The following COL27A1 variants were observed in gnomAD, a reference collection of about 807,000 sequenced individuals.
COL27A1 encodes collagen alpha-1(XXVII) chain.
A neutral mutation model predicts 251.3 loss-of-function variants in COL27A1; 106 were observed. The ratio of observed to expected loss-of-function variants is 0.42; its 90% CI spans 0.36 to 0.50. The LOEUF (loss-of-function observed/expected upper bound fraction) is 0.50. Ranked by LOEUF, COL27A1 falls within the 20% of genes least tolerant of loss-of-function variation. The pLI is 0.00. For missense variants in COL27A1, 2,325 were observed against 2,522.8 expected (o/e 0.92, Z 1.68); for synonymous variants, 1,000 against 986.3 (o/e 1.01, Z -0.26).
chr9:114,155,336 ATC>A (rs1848054806), upstream of COL27A1, among the ~76,000 whole-genome samples: 1 of 151,934 alleles, frequency 6.6e-6, no homozygotes, highest in South Asian at 2.1e-4. The surrounding 1 kb of genome is among the most constrained non-coding windows in gnomAD (Gnocchi z 5.5). Flanking sequence ...CTCTCTGTGA[ATC>A]TGTTTCCCCA....
chr9:114,290,150 G>GCCCCCCCCCCCCCCCCCC lies in COL27A1; in HGVS notation c.4260+42_4260+43insCCCCCCCCCCCCCCCCCC. 1 of 1,593,552 alleles carries GCCCCCCCCCCCCCCCCCC rather than the reference G, an allele frequency of 6.3e-7. No individual in the cohort carries two copies. On this transcript the variant is annotated intron_variant, in intron 46 of 60. Transcript: ENST00000356083. This position sits in a 1 kb window ranked among gnomAD's most constrained non-coding sequence, Gnocchi z 4.6. ...GCTGCTGTTTCCAGCCAACCTCCCT[G>GCCCCCCCCCCCCCCCCCC]CCCGCCCCCCACACCCGCCCTCCTC...
chr9:114,177,217 C>T (rs1400774858), intron 3 of COL27A1, among the ~76,000 whole-genome samples: 1 of 152,150 alleles, frequency 6.6e-6, no homozygotes, highest in Non-Finnish European at 1.5e-5. Context: ...AGTGGTAAAG[C>T]CAGGATTTGA....
chr9:114,301,125 G>A lies in COL27A1; in HGVS notation c.4755G>A (p.Pro1585=), dbSNP rs199727235. ...GAATCCTGGGACCTTCGGGACTCCC[G>A]GTATGTGTGGGGATTGGACAGGAAG... The part of the protein sequence containing the change: ...PLGILGPSGL[P]GPKGDKGSRG... Residue 1585 remains proline (P), a splice_region_variant and synonymous_variant, in exon 52 of 61, where the codon CCG becomes CCA. Coordinates refer to ENST00000356083, the MANE Select transcript of COL27A1 (RefSeq NM_032888.4). The A allele has an allele frequency of 5.7e-5, 92 of 1,613,644 alleles. No individual in the cohort carries two copies. Among genetic ancestry groups the A allele is most frequent in the Non-Finnish European group, 7.2e-5 (85 of 1,179,742 alleles).
chr9:114,302,818 G>A (rs968268460), intron 56 of COL27A1, among the ~76,000 whole-genome samples: 2 of 151,382 alleles, frequency 1.3e-5, no homozygotes, highest in African/African-American at 4.9e-5. Flanking sequence ...CTATCTGAGA[G>A]CATGACTCCT....
At position 114,155,872 on chromosome 9, in the gene COL27A1, CG is replaced by C; in HGVS notation, c.-75del. The C allele has an allele frequency of 9.3e-7, 1 of 1,076,646 alleles. No individual in the cohort carries two copies. Among genetic ancestry groups the C allele is most frequent in the Non-Finnish European group, 1.1e-6 (1 of 882,498 alleles). The allele number at this position is 1,076,646 out of a possible 1,614,324, so 66.7% of individuals were successfully genotyped here. On this transcript the variant is annotated 5_prime_UTR_variant, in exon 1 of 61. Coordinates refer to ENST00000356083, the MANE Select transcript of COL27A1 (RefSeq NM_032888.4). The surrounding 1 kb of genome is among the most constrained non-coding windows in gnomAD (Gnocchi z 5.5). ...CGCGCTCTAAGCCGGCCTGGCGCGG[CG>C]GGGCGGGGGGCTGGCGGCCCCATGG...
At chr9:114,305,190 G>A (rs1392967663) in intron 57 of COL27A1, among the ~76,000 whole-genome samples, 1 of 152,194 alleles carries the variant, frequency 6.6e-6, no homozygotes, top group African/African-American at 2.4e-5. Context: ...CACATGACAG[G>A]GAACTTACTG....
At chr9:114,223,805 A>C (rs1300259291) in intron 14 of COL27A1, among the ~76,000 whole-genome samples, 2 of 152,152 alleles carry the variant, frequency 1.3e-5, no homozygotes, top group African/African-American at 4.8e-5. Context: ...AACTTGGAGG[A>C]TTGTTGTGAG....
intron 4 of COL27A1, among the ~76,000 whole-genome samples, chr9:114,180,593 C>T (rs762977151): frequency 6.6e-6 from 1 of 152,312 alleles, no homozygotes; most frequent in Middle Eastern, 3.4e-3. Flanking sequence ...AATCCCAGCT[C>T]CTCTCTGCAC....
chr9:114,226,503 G>A (rs997898672), intron 14 of COL27A1, among the ~76,000 whole-genome samples: 1 of 152,192 alleles, frequency 6.6e-6, no homozygotes, highest in Non-Finnish European at 1.5e-5. Flanking sequence ...ACTCTCCACT[G>A]TTGTACTATA....
intron 34 of COL27A1, among the ~76,000 whole-genome samples, 191 bp downstream of exon 34, chr9:114,267,748 G>A (rs902093538): frequency 2.6e-5 from 4 of 152,174 alleles, no homozygotes; most frequent in Admixed American, 1.3e-4. Flanking sequence ...TGCCCTCTGC[G>A]AGGTAATGTT....
chr9:114,236,893 G>A, intron 17 of COL27A1, 88 bp from the exon 18 acceptor site: 1 of 1,264,812 alleles, frequency 7.9e-7, no homozygotes, highest in Non-Finnish European at 1.1e-6. Context: ...GCGTTCTCTG[G>A]GCCTGGGACC....
At chr9:114,165,717 C>T (rs1848789132) in intron 2 of COL27A1, among the ~76,000 whole-genome samples, 1 of 150,394 alleles carries the variant, frequency 6.6e-6, no homozygotes, top group Admixed American at 6.6e-5. Flanking sequence ...TCCATTCATC[C>T]ATTTATCTAT....
At chr9:114,283,786 AC>A (rs1014967815) in intron 40 of COL27A1, 24 bp downstream of exon 40, 6 of 1,608,748 alleles carry the variant, frequency 3.7e-6, no homozygotes, top group South Asian at 3.3e-5. Flanking sequence ...ACCTCACCCC[AC>A]CCCCCGACTC....
Position 114,167,713 on chromosome 9 carries a change from G to A in COL27A1, c.158G>A (p.Gly53Asp), listed in dbSNP as rs1848988458. 1 of 1,612,830 alleles carries A rather than the reference G, an allele frequency of 6.2e-7. No homozygotes were observed. The highest frequency in any genetic ancestry group is 8.5e-7 in the Non-Finnish European group (1 of 1,179,252). ...PEDVDILQRL[G>D]LSWTKAGSPA... Reference sequence around the variant, plus strand: ...GATGTGGACATCCTCCAGCGGCTGGGCCTCAGCTGGACGAAGGCCGGGAGC... The same window carrying A: ...GATGTGGACATCCTCCAGCGGCTGGACCTCAGCTGGACGAAGGCCGGGAGC... Residue 53 changes from glycine to aspartate, a missense_variant, in exon 3 of 61, where the codon GGC becomes GAC. By Grantham distance (94) the Gly-to-Asp change is moderately conservative. Transcript: ENST00000356083.
chr9:114,235,750 C>T (rs1832347136), intron 17 of COL27A1, 98 bp downstream of exon 17: 5 of 885,166 alleles, frequency 5.6e-6, no homozygotes, highest in Admixed American at 1.7e-5. Flanking sequence ...GAGCAAGGAC[C>T]CACCTGTAAG....
intron 10 of COL27A1, among the ~76,000 whole-genome samples, chr9:114,208,326 C>T (rs1003375114): frequency 2.0e-5 from 3 of 151,998 alleles, no homozygotes; most frequent in African/African-American, 7.2e-5. Context: ...CTGTGATCAC[C>T]TGTGATCAGC....
intron 14 of COL27A1, among the ~76,000 whole-genome samples, chr9:114,230,646 C>A (rs1831881270): frequency 6.6e-6 from 1 of 152,154 alleles, no homozygotes; most frequent in South Asian, 2.1e-4. Context: ...CTCTGGGAAG[C>A]AGGAGGTGCC....
At position 114,217,118 on chromosome 9, in the gene COL27A1, T is replaced by C. The variant is rs145722505; in HGVS notation, c.2368-2673T>C. 7.2e-3 allele frequency among the ~76,000 whole-genome samples: 1,103 copies of C among 152,336 alleles called. 4 individuals are homozygous for C. The highest frequency in any genetic ancestry group is 0.011 in the Non-Finnish European group (750 of 68,030). Reference sequence around the variant, plus strand: ...GGGTGGTCACGCTGTTGGGGTTTACTGTTGCTATGATTGTTTCATCCCACC... The same window carrying C: ...GGGTGGTCACGCTGTTGGGGTTTACCGTTGCTATGATTGTTTCATCCCACC... On this transcript the variant is annotated intron_variant, in intron 12 of 60. Coordinates refer to ENST00000356083, the MANE Select transcript of COL27A1 (RefSeq NM_032888.4).
chr9:114,246,154 A>T (rs1200839170), intron 24 of COL27A1: 1 of 457,000 alleles, frequency 2.2e-6, no homozygotes, highest in Admixed American at 4.6e-5. Context: ...GACTCTACAC[A>T]CAGGTTTTTG....
Sources: allele counts gnomAD v4.1 joint callset (sites outside exome capture counted in the v4.1 genomes callset), GRCh38; gene constraint gnomAD v4.1.1; non-coding constraint Gnocchi (gnomAD v3.1); transcripts MANE v1.5; gene names NCBI Gene and HGNC (gene_info 2026-07-23, HGNC 2026-07-21).